The following ALOX5 variants were observed in gnomAD, a reference collection of about 807,000 sequenced individuals.
ALOX5 encodes the protein polyunsaturated fatty acid 5-lipoxygenase.
Under a neutral mutation model 87.9 loss-of-function variants are expected in ALOX5, and 64 were observed. That is an observed-to-expected ratio of 0.73 (90% CI 0.60 to 0.90). The LOEUF is 0.90. Among genes scored for constraint, ALOX5 ranks in the 40% least tolerant of loss-of-function variants. The probability of loss-of-function intolerance (pLI) is 0.00; values close to 1 mark genes in which losing one functional copy is unlikely to be tolerated. For synonymous variants in ALOX5, 388 were observed against 355.1 expected (o/e 1.09, Z -1.04); for missense variants, 822 against 907.5 (o/e 0.91, Z 1.21).
chr10:45,425,430 TA>T lies in ALOX5; in HGVS notation c.834+299del, dbSNP rs1841672460. ...AATAATTACAGGAGCTACCCTTGAT[TA>T]GGGGCCTGTGGTGGGACAGGCATTG... On this transcript the variant is annotated intron_variant, in intron 6 of 13. Transcript: ENST00000374391. The surrounding 1 kb of genome is among the most constrained non-coding windows in gnomAD (Gnocchi z 4.4). 1.3e-5 allele frequency among the ~76,000 whole-genome samples: 2 copies of T among 152,270 alleles called. No individual in the cohort carries two copies. Among genetic ancestry groups the T allele is most frequent in the Non-Finnish European group, 2.9e-5 (2 of 68,012 alleles).
chr10:45,399,455 T>C (rs1041196964), intron 3 of ALOX5, among the ~76,000 whole-genome samples: 3 of 152,232 alleles, frequency 2.0e-5, no homozygotes, highest in African/African-American at 7.2e-5. Context: ...ATGTGCATTA[T>C]ATTTCAATAA....
chr10:45,407,390 C>T (rs1387409605), intron 3 of ALOX5, among the ~76,000 whole-genome samples: 1 of 144,078 alleles, frequency 6.9e-6, no homozygotes, highest in Non-Finnish European at 1.5e-5. Flanking sequence ...GTATCTTTTT[C>T]CTTTTTTTTT....
intron 2 of ALOX5, 92 bp from the exon 3 acceptor site, chr10:45,395,762 TG>T: frequency 9.2e-7 from 1 of 1,082,808 alleles, no homozygotes; most frequent in Non-Finnish European, 1.4e-6. Flanking sequence ...GCACTCGGCA[TG>T]GGCAGGGCAT....
chr10:45,395,350 G>A (rs34929604), intron 2 of ALOX5, among the ~76,000 whole-genome samples: 5 of 152,076 alleles, frequency 3.3e-5, no homozygotes, highest in East Asian at 1.9e-4. Flanking sequence ...GCAAACTATC[G>A]CAAGGACAAA....
chr10:45,445,476 A>T (rs752805648), intron 13 of ALOX5, 32 bp from the exon 14 acceptor site: 1 of 1,604,474 alleles, frequency 6.2e-7, no homozygotes, highest in Non-Finnish European at 8.5e-7. Context: ...TAGTGGATTG[A>T]CCTATGTGTG....
chr10:45,414,159 G>A (rs963077857), intron 4 of ALOX5, among the ~76,000 whole-genome samples: 1 of 152,220 alleles, frequency 6.6e-6, no homozygotes, highest in Non-Finnish European at 1.5e-5. Context: ...AACAGAGCTG[G>A]AGGCATCATG....
intron 2 of ALOX5, among the ~76,000 whole-genome samples, chr10:45,388,570 G>A (rs149251697): frequency 0.017 from 2,665 of 152,330 alleles, 62 homozygotes; most frequent in African/African-American, 0.057. Context: ...GCTGATACTC[G>A]GGCAAACAGG....
Position 45,445,920 on chromosome 10 carries a change from GCTC to G in ALOX5, c.*234_*236del, listed in dbSNP as rs1670761430. On this transcript the variant is annotated 3_prime_UTR_variant, in exon 14 of 14. Coordinates refer to ENST00000374391, the MANE Select transcript of ALOX5 (RefSeq NM_000698.5). ...CTGCACAGCGTCCTGTCCACACCCA[GCTC>G]AGCATTTCCACACCAAGCAGCAACA... is the stretch of plus-strand genomic sequence containing the variant. 1 of 446,200 alleles carries G rather than the reference GCTC, an allele frequency of 2.2e-6. No homozygotes were observed. The highest frequency in any genetic ancestry group is 3.9e-6 in the Non-Finnish European group (1 of 254,302). The allele number at this position is 446,200 out of a possible 1,614,324, so 27.6% of individuals were successfully genotyped here.
intron 3 of ALOX5, among the ~76,000 whole-genome samples, chr10:45,400,730 G>A (rs1484808778): frequency 2.0e-5 from 3 of 152,204 alleles, no homozygotes; most frequent in African/African-American, 7.2e-5. Context: ...TGTATGAAAT[G>A]TCCAGAATAG....
chr10:45,379,389 C>T (rs1425258860), intron 1 of ALOX5, among the ~76,000 whole-genome samples: 1 of 152,206 alleles, frequency 6.6e-6, no homozygotes, highest in African/African-American at 2.4e-5. Context: ...CCTCACCGCA[C>T]ACAGACTTGC....
chr10:45,405,754 T>TTTTTTA (rs1840861153), intron 3 of ALOX5, among the ~76,000 whole-genome samples: 1 of 135,944 alleles, frequency 7.4e-6, no homozygotes, highest in African/African-American at 2.9e-5. Flanking sequence ...TTTTTTTTTT[T>TTTTTTA]GAGACAGAGT....
chr10:45,411,749 A>G (rs986282339), intron 3 of ALOX5, among the ~76,000 whole-genome samples: 7 of 152,234 alleles, frequency 4.6e-5, no homozygotes, highest in Admixed American at 1.3e-4. Flanking sequence ...CATGCAGGAC[A>G]TGCACGCAGT....
chr10:45,403,675 G>T (rs1234690346), intron 3 of ALOX5, among the ~76,000 whole-genome samples: 5 of 152,206 alleles, frequency 3.3e-5, no homozygotes, highest in African/African-American at 1.2e-4. Context: ...AGCATCAAGT[G>T]TGGGAGAGTA....
chr10:45,423,674 A>AG (rs1476846383), intron 4 of ALOX5, among the ~76,000 whole-genome samples: 2 of 152,224 alleles, frequency 1.3e-5, no homozygotes, highest in African/African-American at 4.8e-5. Flanking sequence ...TCGCCCCAAA[A>AG]GCCAGGCAAC....
At chr10:45,393,757 T>A (rs972831960) in intron 2 of ALOX5, among the ~76,000 whole-genome samples, 2 of 152,182 alleles carry the variant, frequency 1.3e-5, no homozygotes, top group Non-Finnish European at 2.9e-5. Context: ...TTCAGCAAAG[T>A]CTCAGGATAC....
intron 2 of ALOX5, among the ~76,000 whole-genome samples, chr10:45,393,304 C>T (rs1280882646): frequency 6.6e-6 from 1 of 152,164 alleles, no homozygotes; most frequent in Non-Finnish European, 1.5e-5. Context: ...TCAACATACA[C>T]AAATCAATAA....
intron 9 of ALOX5, 125 bp downstream of exon 9, chr10:45,441,555 C>G (rs1842236162): frequency 2.1e-6 from 2 of 930,966 alleles, no homozygotes; most frequent in Non-Finnish European, 3.3e-6. Flanking sequence ...CTGCTCAGAG[C>G]ACTGGCTCCA....
At chr10:45,413,394 C>G (rs1020734907) in intron 4 of ALOX5, among the ~76,000 whole-genome samples, 3 of 152,158 alleles carry the variant, frequency 2.0e-5, no homozygotes, top group Non-Finnish European at 4.4e-5. Context: ...ATTCAACAAC[C>G]ATTCATGCTG....
intron 1 of ALOX5, among the ~76,000 whole-genome samples, chr10:45,377,451 ACT>A (rs1276553183): frequency 6.8e-6 from 1 of 147,780 alleles, no homozygotes; most frequent in Non-Finnish European, 1.5e-5. Context: ...TTTCCTCTAC[ACT>A]CTGTCTTCCA....
Sources: allele counts gnomAD v4.1 joint callset (sites outside exome capture counted in the v4.1 genomes callset), GRCh38; gene constraint gnomAD v4.1.1; non-coding constraint Gnocchi (gnomAD v3.1); transcripts MANE v1.5; gene names NCBI Gene and HGNC (gene_info 2026-07-23, HGNC 2026-07-21).